BCO2: variants seen among roughly 807,000 people sequenced by gnomAD.
BCO2 encodes carotenoid-cleaving dioxygenase, mitochondrial.
BCO2 carries 56 observed loss-of-function variants against 65.8 expected under a neutral mutation model. That is an observed-to-expected ratio of 0.85 (90% CI 0.69 to 1.06). The LOEUF is 1.06. Ranked by LOEUF, BCO2 falls within the 50% of genes least tolerant of loss-of-function variation. The probability of loss-of-function intolerance (pLI) is 0.00; values close to 1 mark genes in which losing one functional copy is unlikely to be tolerated. For synonymous variants in BCO2, 233 were observed against 242.3 expected, an observed-to-expected ratio of 0.96 and a Z score of 0.36; for missense variants, 675 against 698.5, an observed-to-expected ratio of 0.97 and a Z score of 0.38.
chr11:112,188,558 C>G (rs956997930), intron 2 of BCO2, among the ~76,000 whole-genome samples: 3 of 152,116 alleles, frequency 2.0e-5, no homozygotes, highest in African/African-American at 7.2e-5. Flanking sequence ...CCTGCTCCGC[C>G]CACATGCTAC....
intron 8 of BCO2, among the ~76,000 whole-genome samples, chr11:112,213,304 C>T (rs189842706): frequency 5.3e-5 from 8 of 151,530 alleles, no homozygotes; most frequent in African/African-American, 1.2e-4. Context: ...CCACCATGCC[C>T]GGCTAATTTT....
intron 8 of BCO2, among the ~76,000 whole-genome samples, chr11:112,205,669 G>A (rs924316631): frequency 2.0e-5 from 3 of 151,748 alleles, no homozygotes; most frequent in Admixed American, 1.3e-4. Flanking sequence ...ATGTTGCCAA[G>A]GCTGCTGTCA....
chr11:112,175,707 T>G lies in BCO2; in HGVS notation c.88+18T>G. ...GCTCCCAGGTAGAGGGTTTGCCCCT[T>G]TCTCTTCCTCATCCTCCTCTTCTTG... On this transcript the variant is annotated intron_variant, in intron 1 of 11. Transcript: ENST00000357685. 6.3e-7 allele frequency: 1 copy of G among 1,595,884 alleles called. No individual in the cohort carries two copies.
At position 112,216,246 on chromosome 11, in the gene BCO2, C is replaced by G. The variant is rs773920697; in HGVS notation, c.1542C>G (p.Pro514=). Residue 514 remains proline, a synonymous_variant, in exon 11 of 12, where the codon CCC becomes CCG. Coordinates refer to ENST00000357685, the MANE Select transcript of BCO2 (RefSeq NM_031938.7). ...TTTGGAGAGAAGATGGCTTTTATCCCTCAGAACCTGTTTTTGTTCCAGCAC... is the reference window on the plus strand; with the variant it reads ...TTTGGAGAGAAGATGGCTTTTATCCGTCAGAACCTGTTTTTGTTCCAGCAC... ...LKVWREDGFY[P]SEPVFVPAPG... 4 of 1,614,130 alleles carry G rather than the reference C, an allele frequency of 2.5e-6. No individual in the cohort carries two copies. The East Asian group carries it at 8.9e-5, about 36-fold the overall frequency.
chr11:112,183,112 A>G lies in BCO2; in HGVS notation c.293+3630A>G, dbSNP rs1358348008. 2.3e-6 allele frequency: 3 copies of G among 1,282,624 alleles called. No individual in the cohort carries two copies. In the East Asian group the frequency reaches 6.9e-5, roughly 30 times the overall value. The allele number at this position is 1,282,624 out of a possible 1,614,324, so 79.5% of individuals were successfully genotyped here. A position where few individuals can be genotyped will look rare whatever the true frequency, so the allele number is the denominator to read the frequency against. On this transcript the variant is annotated intron_variant, in intron 2 of 11. Transcript: ENST00000357685. ...TGTGGGTGTGATCTTCAAGAAGCCA[A>G]CCTGAGAGGGTCCAACATGAAGGGA...
intron 5 of BCO2, among the ~76,000 whole-genome samples, chr11:112,195,055 T>C (rs1450861348): frequency 1.3e-5 from 2 of 152,208 alleles, no homozygotes; most frequent in African/African-American, 2.4e-5. Flanking sequence ...ATCAATTTTA[T>C]AATAAATTAA....
In BCO2 at chr11:112,199,759, A is replaced by C. The variant is rs769886791; in HGVS notation, c.797A>C (p.His266Pro). The C allele has an allele frequency of 6.2e-6, 10 of 1,613,802 alleles. No individual in the cohort carries two copies. The highest frequency in any genetic ancestry group is 8.5e-6 in the Non-Finnish European group (10 of 1,179,682). ...AAGGTGGACCTTGGGGAGACAATCC[A>C]TGGAGTCCAGGTGATATGTTCTATT... ...PEKVDLGETI[H>P]GVQVICSIAS... is the part of the protein sequence containing the mutation. The change falls in exon 6 of 12, where the codon CAT (histidine) becomes CCT (proline). Residue 266 changes from histidine to proline, a missense_variant. By Grantham distance (77) the His-to-Pro change is moderately conservative. Coordinates refer to ENST00000357685, the MANE Select transcript of BCO2 (RefSeq NM_031938.7).
intron 5 of BCO2, 97 bp downstream of exon 5, chr11:112,194,852 G>T: frequency 1.3e-6 from 1 of 767,502 alleles, no homozygotes. Flanking sequence ...ACTGGCACAA[G>T]TAGAGAGAGG....
Position 112,175,705 on chromosome 11 carries a change from C to A in BCO2, c.88+16C>A. ...CGGCTCCCAGGTAGAGGGTTTGCCC[C>A]TTTCTCTTCCTCATCCTCCTCTTCT... On this transcript the variant is annotated intron_variant, in intron 1 of 11. Coordinates refer to ENST00000357685, the MANE Select transcript of BCO2 (RefSeq NM_031938.7). The A allele has an allele frequency of 6.3e-7, 1 of 1,594,632 alleles. No individual in the cohort carries two copies. The highest frequency in any genetic ancestry group is 1.1e-5 in the South Asian group (1 of 90,664).
intron 2 of BCO2, among the ~76,000 whole-genome samples, chr11:112,191,086 G>C (rs534212727): frequency 5.3e-5 from 8 of 151,456 alleles, no homozygotes; most frequent in African/African-American, 1.9e-4. Context: ...AAACAGGAAG[G>C]GATGGTCAGT....
rs1407760508 is a variant in BCO2, at chr11:112,193,695, C to T, written c.515C>T (p.Ala172Val). The change falls in exon 3 of 12, where the codon GCA becomes GTA. Residue 172 changes from alanine (A) to valine (V), a missense_variant and splice_region_variant. Physicochemically the swap from Ala to Val is moderately conservative, Grantham distance 64. Coordinates refer to ENST00000357685, the MANE Select transcript of BCO2 (RefSeq NM_031938.7). ...AGGTTTGAGCTGCCTGGTAAAGCTG[C>T]AGGTGATAGTGATGATTATTTAAAC... is the stretch of plus-strand genomic sequence containing the variant. ...MSRFELPGKAAAMTDNTNVNY... is the reference protein window; with the variant it reads ...MSRFELPGKAVAMTDNTNVNY... 1 of 1,612,182 alleles carries T rather than the reference C, an allele frequency of 6.2e-7. No homozygotes were observed. The highest frequency in any genetic ancestry group is 8.5e-7 in the Non-Finnish European group (1 of 1,178,592).
Position 112,217,843 on chromosome 11 carries a change from A to T in BCO2, c.1709A>T (p.Tyr570Phe). ...GRAEVPVQMP[Y>F]GFHGTFIPI ...GCAGAGGTACCTGTGCAGATGCCTT[A>T]TGGGTTCCATGGTACCTTCATACCC... is the stretch of plus-strand genomic sequence containing the variant. Residue 570 changes from tyrosine (Y) to phenylalanine (F), a missense_variant, in exon 12 of 12, where the codon TAT (tyrosine) becomes TTT (phenylalanine). Tyr to Phe is a conservative substitution (Grantham distance 22, BLOSUM62 3). Transcript: ENST00000357685. 3 of 1,613,942 alleles carry T rather than the reference A, an allele frequency of 1.9e-6. No homozygotes were observed. The highest frequency in any genetic ancestry group is 2.5e-6 in the Non-Finnish European group (3 of 1,179,818).
chr11:112,200,804 A>G lies in BCO2; in HGVS notation c.1026+31A>G, dbSNP rs780050661. On this transcript the variant is annotated intron_variant, in intron 7 of 11. Transcript: ENST00000357685. ...GTATTTTGAGTATATTTATCATGAA[A>G]ATTGTTGGAAACAAAGGCAAATTTC... 48 of 1,596,810 alleles carry G rather than the reference A, an allele frequency of 3.0e-5. No homozygotes were observed. The African/African-American group carries it at 6.2e-4, about 21-fold the overall frequency.
chr11:112,175,852 G>C (rs1224131031), intron 1 of BCO2, 163 bp downstream of exon 1: 1 of 554,996 alleles, frequency 1.8e-6, no homozygotes, highest in Non-Finnish European at 3.2e-6. Context: ...AGTTAAAGAA[G>C]GCTGAGTTAG....
intron 11 of BCO2, 22 bp from the exon 12 acceptor site, chr11:112,217,739 A>C: frequency 6.5e-7 from 1 of 1,546,694 alleles, no homozygotes; most frequent in Non-Finnish European, 8.9e-7. Context: ...GATAATTTTC[A>C]ATATTGTCTT....
intron 1 of BCO2, 191 bp downstream of exon 1, chr11:112,175,880 C>T: frequency 2.0e-6 from 1 of 511,832 alleles, no homozygotes; most frequent in South Asian, 3.1e-5. Flanking sequence ...TCCTCATGGT[C>T]AGGGAAACAG....
intron 3 of BCO2, 35 bp from the exon 4 acceptor site, chr11:112,193,844 T>C: frequency 6.8e-7 from 1 of 1,476,626 alleles, no homozygotes; most frequent in Non-Finnish European, 9.5e-7. Context: ...TACAGTAAGC[T>C]GTGGTACTTA....
chr11:112,202,267 G>T (rs770365541), intron 8 of BCO2, 77 bp downstream of exon 8: 2 of 1,305,616 alleles, frequency 1.5e-6, no homozygotes, highest in African/African-American at 1.5e-5. Flanking sequence ...GGAATTACAT[G>T]TTTCTCTCTC....
intron 6 of BCO2, chr11:112,200,411 A>G (rs1169852694): frequency 4.1e-6 from 2 of 491,238 alleles, no homozygotes; most frequent in Non-Finnish European, 7.1e-6. Context: ...AACCCAAGCT[A>G]TTCTAAGCAG....
Sources: allele counts gnomAD v4.1 joint callset (sites outside exome capture counted in the v4.1 genomes callset), GRCh38; gene constraint gnomAD v4.1.1; transcripts MANE v1.5; gene names NCBI Gene and HGNC (gene_info 2026-07-23, HGNC 2026-07-21).